Variants in PRDM2 observed in about 807,000 individuals in gnomAD.
PRDM2 encodes PR/SET domain 2, also known as PR domain zinc finger protein 2.
PRDM2 carries 30 observed loss-of-function variants against 130.0 expected under a neutral mutation model. The ratio of observed to expected loss-of-function variants is 0.23; its 90% confidence interval spans 0.17 to 0.31. The LOEUF (loss-of-function observed/expected upper bound fraction) is 0.31, where lower values mean the gene tolerates loss of function less well. PRDM2 is among the 10% of genes least tolerant of loss of function. The pLI, the probability that PRDM2 is intolerant of heterozygous loss-of-function variation, is 1.00. For synonymous variants in PRDM2, 871 were observed against 782.4 expected (o/e 1.11, Z -1.89); for missense variants, 2,011 against 2,108.4 (o/e 0.95, Z 0.90).
At chr1:13,768,112 C>G (rs1196757646) in intron 6 of PRDM2, among the ~76,000 whole-genome samples, 2 of 131,816 alleles carry the variant, frequency 1.5e-5, no homozygotes, top group African/African-American at 5.6e-5. Flanking sequence ...GAGTCTCGCT[C>G]TGTTGCCCAG....
intron 6 of PRDM2, among the ~76,000 whole-genome samples, chr1:13,760,805 A>G (rs576916222): frequency 8.1e-4 from 124 of 152,262 alleles, no homozygotes; most frequent in African/African-American, 2.9e-3. Flanking sequence ...GGGCACCAGC[A>G]AAATACATTC....
At chr1:13,727,978 G>A (rs1642978008) in intron 2 of PRDM2, among the ~76,000 whole-genome samples, 1 of 152,130 alleles carries the variant, frequency 6.6e-6, no homozygotes, top group Non-Finnish European at 1.5e-5. Flanking sequence ...AGGTTCACTT[G>A]TACATTGGTT....
chr1:13,813,693 T>C (rs1482277763), intron 8 of PRDM2, among the ~76,000 whole-genome samples: 1 of 152,180 alleles, frequency 6.6e-6, no homozygotes, highest in Non-Finnish European at 1.5e-5. Context: ...TGGTCCTCCA[T>C]TAGGCCAGGC....
Position 13,731,083 on chromosome 1 carries a change from G to GTCCCATCC in PRDM2, c.93_94insTCCCATCC (p.Leu32SerfsTer23). The GTCCCATCC allele has an allele frequency of 6.2e-7, 1 of 1,612,968 alleles. No individual in the cohort carries two copies. Among genetic ancestry groups the GTCCCATCC allele is most frequent in the Non-Finnish European group, 8.5e-7 (1 of 1,179,566 alleles). On this transcript the variant is annotated frameshift_variant, in exon 3 of 10. Coordinates refer to ENST00000311066, the MANE Select transcript of PRDM2 (RefSeq NM_001393986.1). LOFTEE classifies it high-confidence loss of function. ...TGCGAGGACTTCCGGAGGAAGTGAG[G>GTCCCATCC]CTTTTCCCTTCTGCTGTTGACAAGA...
At chr1:13,807,391 CA>C (rs1488685621) in intron 8 of PRDM2, among the ~76,000 whole-genome samples, 3 of 152,210 alleles carry the variant, frequency 2.0e-5, no homozygotes, top group Non-Finnish European at 2.9e-5. Flanking sequence ...AACCAGCCTC[CA>C]ATGCGCCCCC....
rs755051067 is a variant in PRDM2 at position 13,779,098 on chromosome 1, G to T, written c.1303G>T (p.Ala435Ser). 1 of 1,614,076 alleles carries T rather than the reference G, an allele frequency of 6.2e-7. No homozygotes were observed. Among genetic ancestry groups the T allele is most frequent in the Non-Finnish European group, 8.5e-7 (1 of 1,180,048 alleles). The part of the protein sequence containing the change: ...QPSEDLADGK[A>S]SGENVASKDD... ...GTCAGAGGATCTGGCTGATGGCAAA[G>T]CATCTGGAGAAAACGTTGCTTCAAA... The change falls in exon 8 of 10, where the codon GCA becomes TCA. Residue 435 changes from alanine to serine, a missense_variant. By Grantham distance (99) the Ala-to-Ser change is moderately conservative. This residue lies in a region of PRDM2 where 1,288 missense variants were observed against 1,237.7 expected (regional missense o/e 1.04). Coordinates refer to ENST00000311066, the MANE Select transcript of PRDM2 (RefSeq NM_001393986.1). The surrounding 1 kb of genome is among the most constrained non-coding windows in gnomAD (Gnocchi z 4.9).
At chr1:13,791,343 T>C (rs898647676) in intron 8 of PRDM2, among the ~76,000 whole-genome samples, 1 of 152,124 alleles carries the variant, frequency 6.6e-6, no homozygotes, top group Non-Finnish European at 1.5e-5. Flanking sequence ...CACAGACCAA[T>C]TAGTTCAGGT....
chr1:13,779,000 A>T lies in PRDM2; in HGVS notation c.1205A>T (p.Gln402Leu). The change falls in exon 8 of 10, where the codon CAG (glutamine) becomes CTG (leucine). Residue 402 changes from glutamine (Q) to leucine (L), a missense_variant. Gln to Leu is a moderately radical substitution (Grantham distance 113). Transcript: ENST00000311066. ...TACTGTGGGAAAGCCTTTGGCACAC[A>T]GATTAACCGGCGGCGACATGAGCGG... ...CKYCGKAFGT[Q>L]INRRRHERRH... The T allele has an allele frequency of 6.2e-7, 1 of 1,614,222 alleles. No individual in the cohort carries two copies. The highest frequency in any genetic ancestry group is 1.1e-5 in the South Asian group (1 of 91,090).
chr1:13,715,092 G>A (rs1227556426), intron 1 of PRDM2, among the ~76,000 whole-genome samples: 1 of 152,146 alleles, frequency 6.6e-6, no homozygotes, highest in Non-Finnish European at 1.5e-5. Context: ...GCCAATGTTA[G>A]TAAATTCAAC....
At chr1:13,815,850 C>T (rs147558693) in intron 8 of PRDM2, among the ~76,000 whole-genome samples, 3 of 152,316 alleles carry the variant, frequency 2.0e-5, no homozygotes, top group Non-Finnish European at 2.9e-5. Flanking sequence ...CTGTGAGATA[C>T]TCAGCATGGA....
At chr1:13,773,980 CTT>C (rs1364980946) in intron 7 of PRDM2, among the ~76,000 whole-genome samples, 1 of 152,256 alleles carries the variant, frequency 6.6e-6, no homozygotes, top group East Asian at 1.9e-4. Flanking sequence ...ATGTCAGAGA[CTT>C]TGATTTTTGT....
Position 13,749,471 on chromosome 1 carries a change from C to T in PRDM2, c.495C>T (p.Ser165=), listed in dbSNP as rs1288605658. 2.0e-6 allele frequency: 3 copies of T among 1,478,536 alleles called. No individual in the cohort carries two copies. Among genetic ancestry groups the T allele is most frequent in the Non-Finnish European group, 2.7e-6 (3 of 1,099,992 alleles). The allele number at this position is 1,478,536 out of a possible 1,614,324, so 91.6% of individuals were successfully genotyped here. Residue 165 remains serine, a synonymous_variant, in exon 6 of 10, where the codon TCC becomes TCT. Transcript: ENST00000311066. ...ERASARSKRS[S]PKSRKGKKKS... Reference sequence around the variant, plus strand: ...CCAGCGCCCGGAGCAAGCGGAGCTCCCCCAAGAGCCGGAAAGGTAGGAGCC... The same window carrying T: ...CCAGCGCCCGGAGCAAGCGGAGCTCTCCCAAGAGCCGGAAAGGTAGGAGCC...
intron 4 of PRDM2, among the ~76,000 whole-genome samples, chr1:13,741,762 G>GTGTGTGTGTGTGTGTGTT (rs1643451717): frequency 6.7e-6 from 1 of 148,612 alleles, no homozygotes; most frequent in Admixed American, 6.8e-5. Flanking sequence ...GTGTGTGTGT[G>GTGTGTGTGTGTGTGTGTT]TGTAGGGGTG....
Position 13,778,851 on chromosome 1 carries a change from T to C in PRDM2, c.1056T>C (p.Gly352=), listed in dbSNP as rs1184381428. The change falls in exon 8 of 10, where the codon GGT becomes GGC. Residue 352 remains glycine, a synonymous_variant. Coordinates refer to ENST00000311066, the MANE Select transcript of PRDM2 (RefSeq NM_001393986.1). ...CCAGAACTAAAGAAGAGGCCAATGG[T>C]GATGTATTTGAAACGTTTATGTTTC... The part of the protein sequence containing the change: ...QIPRTKEEAN[G]DVFETFMFPC... 6.2e-7 allele frequency: 1 copy of C among 1,613,974 alleles called. No individual in the cohort carries two copies. Among genetic ancestry groups the C allele is most frequent in the Non-Finnish European group, 8.5e-7 (1 of 1,180,030 alleles).
intron 8 of PRDM2, among the ~76,000 whole-genome samples, chr1:13,811,341 C>T (rs542679765): frequency 6.6e-6 from 1 of 152,316 alleles, no homozygotes; most frequent in South Asian, 2.1e-4. Context: ...AGTGACCATG[C>T]CATCACCATA....
At chr1:13,725,769 GTGT>G (rs1642891418) in intron 2 of PRDM2, among the ~76,000 whole-genome samples, 1 of 152,328 alleles carries the variant, frequency 6.6e-6, no homozygotes, top group South Asian at 2.1e-4. Flanking sequence ...CAACATCTTA[GTGT>G]TGTTATAGCA....
intron 7 of PRDM2, 108 bp downstream of exon 7, chr1:13,773,296 G>C (rs1019539552): frequency 1.5e-6 from 1 of 650,910 alleles, no homozygotes; most frequent in African/African-American, 1.9e-5. Context: ...GGATCTTTAC[G>C]AGGTTAAACA....
chr1:13,820,606 C>T (rs958071755), intron 9 of PRDM2, among the ~76,000 whole-genome samples: 17 of 152,222 alleles, frequency 1.1e-4, no homozygotes, highest in South Asian at 6.2e-4. Flanking sequence ...CTAAGACCAG[C>T]GGCCTCAGGG....
intron 6 of PRDM2, chr1:13,770,211 AG>A: frequency 2.6e-6 from 1 of 382,946 alleles, no homozygotes; most frequent in Non-Finnish European, 5.1e-6. Context: ...GAGAGAGAAA[AG>A]GGAGTTCTCG....
Sources: gnomAD v4.1 joint callset for allele counts (sites outside exome capture counted in the v4.1 genomes callset) on GRCh38, gnomAD v4.1.1 for gene constraint, gnomAD v4.1.1 regional missense constraint, Gnocchi (gnomAD v3.1) non-coding constraint, MANE v1.5 for transcripts, NCBI Gene and HGNC (gene_info 2026-07-23, HGNC 2026-07-21) for gene names.